Variants in ZFAT observed in about 807,000 individuals in gnomAD.
The protein encoded by ZFAT is zinc finger protein ZFAT.
A neutral mutation model predicts 117.7 loss-of-function variants in ZFAT; 64 were observed. The observed-to-expected ratio is 0.54, with a 90% CI of 0.44 to 0.67. The LOEUF (loss-of-function observed/expected upper bound fraction) is 0.67, where lower values mean the gene tolerates loss of function less well. Among genes scored for constraint, ZFAT ranks in the 30% least tolerant of loss-of-function variants. The probability of loss-of-function intolerance (pLI) is 0.00; values close to 1 mark genes in which losing one functional copy is unlikely to be tolerated. For missense variants in ZFAT, 1,433 were observed against 1,584.5 expected (o/e 0.90, Z 1.62); for synonymous variants, 679 against 615.0 (o/e 1.10, Z -1.54).
chr8:134,671,206 C>A (rs1171303761), intron 1 of ZFAT, among the ~76,000 whole-genome samples: 1 of 152,228 alleles, frequency 6.6e-6, no homozygotes, highest in Non-Finnish European at 1.5e-5. Context: ...CATTCTGAAA[C>A]TGTTCCAATC....
chr8:134,530,030 G>A (rs1804642329), intron 12 of ZFAT, among the ~76,000 whole-genome samples: 1 of 152,116 alleles, frequency 6.6e-6, no homozygotes, highest in Non-Finnish European at 1.5e-5. Context: ...ACCCCTCCCT[G>A]GAATCCCAGG....
At chr8:134,665,434 G>A (rs1354531673) in intron 1 of ZFAT, among the ~76,000 whole-genome samples, 1 of 152,212 alleles carries the variant, frequency 6.6e-6, no homozygotes, top group African/African-American at 2.4e-5. Context: ...CCGCACATGA[G>A]GCAGAGTGTC....
intron 3 of ZFAT, among the ~76,000 whole-genome samples, chr8:134,621,993 A>AGAAT (rs1829146916): frequency 1.3e-5 from 2 of 152,280 alleles, no homozygotes; most frequent in Non-Finnish European, 2.9e-5. Context: ...CTGCATCTGC[A>AGAAT]GAATGAGTCA....
At chr8:134,782,661 A>AG in the ZFAT span, among the ~76,000 whole-genome samples, 9 of 152,192 alleles carry the variant, frequency 5.9e-5, no homozygotes, top group East Asian at 9.7e-4. Flanking sequence ...TAGTTTTATA[A>AG]GGGAAACCCC....
chr8:134,486,239 G>A (rs1027341158), intron 15 of ZFAT, among the ~76,000 whole-genome samples: 3 of 152,146 alleles, frequency 2.0e-5, no homozygotes, highest in Admixed American at 2.0e-4. Flanking sequence ...CACATTCCCA[G>A]TGCCCTCCCG....
At chr8:134,793,470 G>A in the ZFAT span, 12 of 152,168 alleles carry the variant, frequency 7.9e-5, no homozygotes, top group Middle Eastern at 3.2e-3. Flanking sequence ...TGGCACCAGG[G>A]ACAGGTTTCC....
At chr8:134,740,461 C>T in the ZFAT span, among the ~76,000 whole-genome samples, 7,292 of 152,256 alleles carry the variant, frequency 0.048, 254 homozygotes, top group Non-Finnish European at 0.077. Context: ...TAAGCATTGG[C>T]CTGCAACAGA....
the ZFAT span, among the ~76,000 whole-genome samples, chr8:134,756,613 G>A: frequency 2.6e-5 from 4 of 152,214 alleles, no homozygotes; most frequent in East Asian, 1.9e-4. Context: ...ACTGCCTGCC[G>A]ATTTTCACAG....
At chr8:134,797,788 T>A in the ZFAT span, 1 of 151,954 alleles carries the variant, frequency 6.6e-6, no homozygotes, top group East Asian at 1.9e-4. Flanking sequence ...TGTGAAATTG[T>A]TGTTTTATAA....
chr8:134,481,468 C>T (rs1313699661), intron 15 of ZFAT, among the ~76,000 whole-genome samples: 3 of 152,328 alleles, frequency 2.0e-5, no homozygotes, highest in East Asian at 3.9e-4. Context: ...GCCACCGAAG[C>T]GAACCCTAAA....
At chr8:134,480,790 C>T (rs1201506650) in intron 15 of ZFAT, among the ~76,000 whole-genome samples, 1 of 152,190 alleles carries the variant, frequency 6.6e-6, no homozygotes, top group Non-Finnish European at 1.5e-5. Context: ...CCTTCTACTC[C>T]CCACCTCTTC....
chr8:134,512,442 C>T, intron 14 of ZFAT, 33 bp downstream of exon 14: 3 of 1,610,042 alleles, frequency 1.9e-6, no homozygotes, highest in Non-Finnish European at 2.5e-6. Context: ...AAAGACAGTT[C>T]TGAGATGGCA....
chr8:134,800,439 AATTAC>A, the ZFAT span: 1 of 440,984 alleles, frequency 2.3e-6, no homozygotes. Context: ...ACAAACCTTT[AATTAC>A]ATTAATTACA....
chr8:134,536,992 G>A (rs1384334683), intron 11 of ZFAT, among the ~76,000 whole-genome samples: 1 of 152,148 alleles, frequency 6.6e-6, no homozygotes, highest in African/African-American at 2.4e-5. Context: ...AACAAGACAG[G>A]GAGCCCATTA....
intron 2 of ZFAT, among the ~76,000 whole-genome samples, chr8:134,641,371 T>C (rs1483314387): frequency 6.6e-6 from 1 of 152,176 alleles, no homozygotes; most frequent in Non-Finnish European, 1.5e-5. Flanking sequence ...ACTTGTACTA[T>C]TCTCCCAAGC....
At chr8:134,637,857 GCAAA>G in intron 2 of ZFAT, 145 bp from the exon 3 acceptor site, 2 of 1,133,394 alleles carry the variant, frequency 1.8e-6, no homozygotes, top group Non-Finnish European at 2.4e-6. Context: ...ATTAACAGCT[GCAAA>G]CAATTATCGT....
intron 5 of ZFAT, among the ~76,000 whole-genome samples, chr8:134,608,111 T>TA: frequency 6.6e-6 from 1 of 152,324 alleles, no homozygotes; most frequent in African/African-American, 2.4e-5. Flanking sequence ...AACTGTGTAC[T>TA]AAAAATGAAA....
chr8:134,606,295 T>C (rs1827882094), intron 5 of ZFAT, among the ~76,000 whole-genome samples: 1 of 152,252 alleles, frequency 6.6e-6, no homozygotes, highest in Non-Finnish European at 1.5e-5. Context: ...AAGATCTTGT[T>C]GGCTCCAATG....
intron 1 of ZFAT, among the ~76,000 whole-genome samples, chr8:134,707,937 C>T (rs1350095575): frequency 6.6e-6 from 1 of 152,188 alleles, no homozygotes; most frequent in Non-Finnish European, 1.5e-5. Flanking sequence ...AGTATGGAAT[C>T]GGCCTCAGTG....
Sources: allele counts gnomAD v4.1 joint callset (sites outside exome capture counted in the v4.1 genomes callset), GRCh38; gene constraint gnomAD v4.1.1; transcripts MANE v1.5; gene names NCBI Gene and HGNC (gene_info 2026-07-23, HGNC 2026-07-21).